Variants in IQCK observed in about 807,000 individuals in gnomAD.
IQCK encodes the protein IQ domain-containing protein K.
A neutral mutation model predicts 28.1 loss-of-function variants in IQCK; 29 were observed. The ratio of observed to expected loss-of-function variants is 1.03; its 90% CI spans 0.77 to 1.41. The LOEUF is 1.41. IQCK is among the 40% of genes most tolerant of loss of function. The probability of loss-of-function intolerance (pLI) is 0.00; values close to 1 mark genes in which losing one functional copy is unlikely to be tolerated. For missense variants in IQCK, 359 were observed against 314.7 expected (o/e 1.14, Z -1.07); for synonymous variants, 113 against 115.1 (o/e 0.98, Z 0.12).
intron 4 of IQCK, among the ~76,000 whole-genome samples, chr16:19,743,019 A>C (rs912557541): frequency 6.6e-6 from 1 of 152,132 alleles, no homozygotes; most frequent in South Asian, 2.1e-4. Context: ...GAATACAAAA[A>C]AATTAGTTGG....
exon 10 of IQCK, chr16:19,857,512 T>C (rs576047204): frequency 2.4e-6 from 1 of 414,680 alleles, no homozygotes; most frequent in East Asian, 7.5e-5. Flanking sequence ...CATTAATGCA[T>C]TTAATAAATA....
Position 19,781,406 on chromosome 16 carries a change from A to G in IQCK, c.606-7432A>G, listed in dbSNP as rs567244018. ...AGCTCTGTGTGTAACTAGGAGAATG[A>G]TTCAGCCTGATGCTGGAGTAATAAC... On this transcript the variant is annotated intron_variant, in intron 6 of 7. Coordinates refer to ENST00000564186, the Ensembl canonical transcript of IQCK. Among the ~76,000 whole-genome samples, 150 of 152,346 alleles carry G rather than the reference A, an allele frequency of 9.8e-4. 1 individual carries two copies. The highest frequency in any genetic ancestry group is 1.9e-3 in the Non-Finnish European group (126 of 68,034).
intron 9 of IQCK, among the ~76,000 whole-genome samples, chr16:19,833,501 A>C (rs1008652128): frequency 6.6e-6 from 1 of 152,190 alleles, no homozygotes; most frequent in African/African-American, 2.4e-5. Flanking sequence ...CCTCAAGATT[A>C]AGTGAGTTTC....
intron 6 of IQCK, among the ~76,000 whole-genome samples, chr16:19,774,952 G>T (rs1327938038): frequency 6.6e-6 from 1 of 152,228 alleles, no homozygotes; most frequent in Non-Finnish European, 1.5e-5. Context: ...GCCGGGCGTG[G>T]TGTCTTAGGC....
At chr16:19,812,247 A>T (rs1435250057) in intron 7 of IQCK, among the ~76,000 whole-genome samples, 1 of 152,208 alleles carries the variant, frequency 6.6e-6, no homozygotes, top group Non-Finnish European at 1.5e-5. Context: ...TGGGCCTCCC[A>T]AAGTGCTGGA....
intron 9 of IQCK, among the ~76,000 whole-genome samples, chr16:19,832,641 A>G (rs2056246267): frequency 6.6e-6 from 1 of 152,196 alleles, no homozygotes; most frequent in Non-Finnish European, 1.5e-5. Flanking sequence ...GTGCAACATG[A>G]TGATTTAATA....
downstream of IQCK, among the ~76,000 whole-genome samples, chr16:19,829,771 C>T (rs892590932): frequency 2.6e-5 from 4 of 152,138 alleles, no homozygotes; most frequent in Non-Finnish European, 5.9e-5. Context: ...TGTACAGCTG[C>T]TATTAGGTTG....
chr16:19,828,914 T>A (rs914250959), downstream of IQCK, among the ~76,000 whole-genome samples: 16 of 143,120 alleles, frequency 1.1e-4, no homozygotes, highest in East Asian at 4.0e-4. Context: ...TTTTATATAT[T>A]TTTATATATA....
At chr16:19,759,439 C>G (rs1045098246) in intron 4 of IQCK, among the ~76,000 whole-genome samples, 4 of 152,052 alleles carry the variant, frequency 2.6e-5, no homozygotes, top group African/African-American at 7.2e-5. Flanking sequence ...AAACTCCTGA[C>G]CTCAGGTGAT....
chr16:19,743,950 A>G (rs1450962567), intron 4 of IQCK, among the ~76,000 whole-genome samples: 2 of 152,188 alleles, frequency 1.3e-5, no homozygotes, highest in Non-Finnish European at 1.5e-5. Flanking sequence ...CATTTGGCCA[A>G]TTACACACAC....
intron 4 of IQCK, among the ~76,000 whole-genome samples, chr16:19,752,488 A>G (rs2054999531): frequency 1.3e-5 from 2 of 152,296 alleles, no homozygotes; most frequent in South Asian, 4.1e-4. Flanking sequence ...TAACTCTTTG[A>G]GGGCAGGTCC....
chr16:19,734,686 T>G (rs1597503214), intron 3 of IQCK, among the ~76,000 whole-genome samples: 1 of 138,572 alleles, frequency 7.2e-6, no homozygotes, highest in Admixed American at 7.5e-5. Context: ...GAGGCTAAGG[T>G]GGGAAGATTG....
At chr16:19,734,459 CAAAAAAA>C (rs34178017) in intron 3 of IQCK, among the ~76,000 whole-genome samples, 6 of 50,250 alleles carry the variant, frequency 1.2e-4, no homozygotes, top group Middle Eastern at 0.019. Context: ...GACTCCATCA[CAAAAAAA>C]AAAAAAAAAA....
chr16:19,754,673 T>C (rs2055029476), intron 4 of IQCK, among the ~76,000 whole-genome samples: 1 of 152,136 alleles, frequency 6.6e-6, no homozygotes, highest in African/African-American at 2.4e-5. Context: ...GCCCATCTCA[T>C]AGTCATTCAT....
intron 6 of IQCK, among the ~76,000 whole-genome samples, chr16:19,779,746 C>T (rs2055449557): frequency 6.6e-6 from 1 of 150,804 alleles, no homozygotes; most frequent in African/African-American, 2.4e-5. Context: ...GAGATGGAGT[C>T]TCGCTCTGTC....
chr16:19,843,144 C>T (rs1471979643), intron 9 of IQCK, among the ~76,000 whole-genome samples: 2 of 152,158 alleles, frequency 1.3e-5, no homozygotes, highest in East Asian at 3.9e-4. Flanking sequence ...GATTCTGTCT[C>T]ACCGCCTAGA....
chr16:19,757,958 A>G (rs981697160), intron 4 of IQCK, among the ~76,000 whole-genome samples: 21 of 152,308 alleles, frequency 1.4e-4, no homozygotes, highest in Non-Finnish European at 2.8e-4. Context: ...TAATGAGGAC[A>G]TGATGATGCC....
chr16:19,752,761 G>A (rs2055003143), intron 4 of IQCK, among the ~76,000 whole-genome samples: 1 of 152,030 alleles, frequency 6.6e-6, no homozygotes, highest in Non-Finnish European at 1.5e-5. Context: ...ATGGGGCTTT[G>A]CCATGTTGGC....
chr16:19,827,092 A>G (rs1346715840), exon 8 of IQCK: 5 of 1,614,004 alleles, frequency 3.1e-6, no homozygotes, highest in African/African-American at 2.7e-5. Flanking sequence ...GGCCAAGCAC[A>G]TTCACCAGCA....
Sources: gnomAD v4.1 joint callset for allele counts (sites outside exome capture counted in the v4.1 genomes callset) on GRCh38, gnomAD v4.1.1 for gene constraint, MANE v1.5 for transcripts, NCBI Gene and HGNC (gene_info 2026-07-23, HGNC 2026-07-21) for gene names.